The following POLH variants were observed in gnomAD, a reference collection of about 807,000 sequenced individuals.
POLH encodes the protein DNA polymerase eta.
A neutral mutation model predicts 73.6 loss-of-function variants in POLH; 53 were observed. The observed-to-expected ratio is 0.72, with a 90% CI of 0.58 to 0.91. The LOEUF (loss-of-function observed/expected upper bound fraction) is 0.91. POLH is among the 40% of genes least tolerant of loss of function. POLH has a pLI of 0.00. For synonymous variants in POLH, 292 were observed against 308.5 expected (o/e 0.95, Z 0.56); for missense variants, 768 against 865.4 (o/e 0.89, Z 1.41).
intron 10 of POLH, among the ~76,000 whole-genome samples, chr6:43,612,681 C>T (rs1768023111): frequency 6.6e-6 from 1 of 151,832 alleles, no homozygotes; most frequent in Non-Finnish European, 1.5e-5. Context: ...TGACATTTAC[C>T]CTTTACCTCA....
At chr6:43,582,782 A>G (rs1291015824) in intron 2 of POLH, among the ~76,000 whole-genome samples, 2 of 152,204 alleles carry the variant, frequency 1.3e-5, no homozygotes, top group African/African-American at 4.8e-5. Flanking sequence ...CCCGGCCTCA[A>G]GCAGTCCTTC....
At chr6:43,580,227 T>C (rs1200797812) in intron 1 of POLH, among the ~76,000 whole-genome samples, 1 of 140,648 alleles carries the variant, frequency 7.1e-6, no homozygotes, top group East Asian at 2.0e-4. Context: ...GGGTTGGGGG[T>C]AAGGTCACAG....
chr6:43,581,254 T>C (rs1334966261), intron 1 of POLH, among the ~76,000 whole-genome samples: 15 of 139,160 alleles, frequency 1.1e-4, no homozygotes, highest in South Asian at 2.4e-4. Context: ...ACATCCCAGA[T>C]GGGGCGGCGG....
rs2127822760 is a variant in POLH, at chr6:43,614,534, T to G, written c.2119T>G (p.Phe707Val). 6 of 1,613,770 alleles carry G rather than the reference T, an allele frequency of 3.7e-6. No individual in the cohort carries two copies. Among genetic ancestry groups the G allele is most frequent in the Non-Finnish European group, 5.1e-6 (6 of 1,179,910 alleles). ...TGAGGGCATGCAAACATTGGAATCA[T>G]TTTTTAAGCCATTAACACATTAGTG... Reference protein sequence around the residue: ...RPEGMQTLESFFKPLTH With the variant: ...RPEGMQTLESVFKPLTH The change falls in exon 11 of 11, where the codon TTT becomes GTT. Residue 707 changes from phenylalanine to valine, a missense_variant. Coordinates refer to ENST00000372236, the MANE Select transcript of POLH (RefSeq NM_006502.3).
intron 10 of POLH, among the ~76,000 whole-genome samples, chr6:43,610,965 G>T (rs1561913298): frequency 6.6e-6 from 1 of 152,066 alleles, no homozygotes; most frequent in Non-Finnish European, 1.5e-5. Flanking sequence ...AGTGGCTCAC[G>T]CCTGTAATCC....
chr6:43,592,083 T>C (rs1765518311), intron 4 of POLH, among the ~76,000 whole-genome samples: 1 of 152,180 alleles, frequency 6.6e-6, no homozygotes, highest in Non-Finnish European at 1.5e-5. Flanking sequence ...CCAACTTAAA[T>C]ATTAAGCTCC....
At chr6:43,610,921 T>C (rs1008656294) in intron 10 of POLH, among the ~76,000 whole-genome samples, 198 bp downstream of exon 10, 3 of 147,422 alleles carry the variant, frequency 2.0e-5, no homozygotes, top group African/African-American at 8.1e-5. Flanking sequence ...GTAAATGTCA[T>C]TTTAAAGTTA....
At position 43,616,733 on chromosome 6, in the gene POLH, T is replaced by G. The variant is rs992707673; in HGVS notation, c.*2176T>G. Among the ~76,000 whole-genome samples, 76 of 152,178 alleles carry G rather than the reference T, an allele frequency of 5.0e-4. No homozygotes were observed. The highest frequency in any genetic ancestry group is 1.7e-3 in the African/African-American group (71 of 41,444). ...AAAGTGATATGGTAACTAGGGCAGG[T>G]CTTTCTGTACATAAAAGTGACTTAA... On this transcript the variant is annotated 3_prime_UTR_variant, in exon 11 of 11. Transcript: ENST00000372236.
intron 4 of POLH, among the ~76,000 whole-genome samples, chr6:43,593,666 C>T (rs934374554): frequency 1.3e-5 from 2 of 152,026 alleles, no homozygotes; most frequent in Non-Finnish European, 2.9e-5. Flanking sequence ...CGAATCATGA[C>T]GTCATGAGAT....
At chr6:43,579,058 G>A (rs766793026) in intron 1 of POLH, among the ~76,000 whole-genome samples, 5 of 152,160 alleles carry the variant, frequency 3.3e-5, no homozygotes, top group Non-Finnish European at 7.3e-5. Context: ...GTGATATTGT[G>A]ATATATGTAT....
chr6:43,580,807 C>T (rs1764028590), intron 1 of POLH, among the ~76,000 whole-genome samples: 2 of 137,152 alleles, frequency 1.5e-5, no homozygotes, highest in African/African-American at 2.8e-5. Context: ...GCTGGCCGGG[C>T]AGAGGGGCTC....
At position 43,604,709 on chromosome 6, in the gene POLH, G is replaced by C; in HGVS notation, c.979G>C (p.Gly327Arg). Residue 327 changes from glycine (G) to arginine (R), a missense_variant, in exon 8 of 11, where the codon GGA (glycine) becomes CGA (arginine). Physicochemically the swap from Gly to Arg is moderately radical, Grantham distance 125. Coordinates refer to ENST00000372236, the MANE Select transcript of POLH (RefSeq NM_006502.3). ...CATTGGCTGTAGTAAGAACTTCCCA[G>C]GAAAAACAGCTCTTGCTACTCGGGA... ...KTIGCSKNFP[G>R]KTALATREQV... The C allele has an allele frequency of 6.2e-7, 1 of 1,614,056 alleles. No individual in the cohort carries two copies. The highest frequency in any genetic ancestry group is 8.5e-7 in the Non-Finnish European group (1 of 1,179,990).
At chr6:43,600,348 G>A (rs1314671512) in intron 5 of POLH, among the ~76,000 whole-genome samples, 6 of 152,008 alleles carry the variant, frequency 3.9e-5, no homozygotes, top group Admixed American at 6.6e-5. Context: ...AACCCGGTGC[G>A]GGGGCGGTTG....
At chr6:43,591,127 A>C (rs1765418521) in intron 4 of POLH, 1 of 152,128 alleles carries the variant, frequency 6.6e-6, no homozygotes, top group Admixed American at 6.6e-5. Flanking sequence ...CAGATCCTTT[A>C]GTTCTTTGGA....
rs940870792 is a variant in POLH, at chr6:43,603,913, A to G, written c.786A>G (p.Leu262=). Residue 262 remains leucine (L), a synonymous_variant, in exon 7 of 11, where the codon CTA becomes CTG. Coordinates refer to ENST00000372236, the MANE Select transcript of POLH (RefSeq NM_006502.3). Reference sequence around the variant, plus strand: ...TCAGCCGTAGTCTTGGAGGAAAGCTAGGGGCCTCTGTCATTGAGATCCTAG... The same window carrying G: ...TCAGCCGTAGTCTTGGAGGAAAGCTGGGGGCCTCTGTCATTGAGATCCTAG... ...IRKIRSLGGK[L]GASVIEILGI... The G allele has an allele frequency of 2.5e-6, 4 of 1,613,472 alleles. No homozygotes were observed. The highest frequency in any genetic ancestry group is 2.5e-6 in the Non-Finnish European group (3 of 1,179,472).
intron 9 of POLH, among the ~76,000 whole-genome samples, chr6:43,608,712 T>A (rs925415427): frequency 6.6e-6 from 1 of 152,160 alleles, no homozygotes; most frequent in Non-Finnish European, 1.5e-5. Flanking sequence ...CCTCTTTGTA[T>A]CCAGTGGGGA....
At chr6:43,601,193 A>G in intron 6 of POLH, 102 bp downstream of exon 6, 2 of 807,750 alleles carry the variant, frequency 2.5e-6, no homozygotes, top group Non-Finnish European at 4.4e-6. Context: ...AGCCAGGGGA[A>G]ATACATACCA....
chr6:43,606,276 A>C (rs1470042793), intron 9 of POLH, among the ~76,000 whole-genome samples: 1 of 151,720 alleles, frequency 6.6e-6, no homozygotes, highest in African/African-American at 2.4e-5. Context: ...GCTACTTTAT[A>C]TCCTTTTACT....
At chr6:43,590,706 T>G (rs1364983602) in intron 4 of POLH, among the ~76,000 whole-genome samples, 2 of 152,046 alleles carry the variant, frequency 1.3e-5, no homozygotes, top group African/African-American at 4.8e-5. Flanking sequence ...GTGAATCACC[T>G]GAGGTCAGGA....
Sources: allele counts gnomAD v4.1 joint callset (sites outside exome capture counted in the v4.1 genomes callset), GRCh38; gene constraint gnomAD v4.1.1; transcripts MANE v1.5; gene names NCBI Gene and HGNC (gene_info 2026-07-23, HGNC 2026-07-21).